SLC26A4: variants seen among roughly 807,000 people sequenced by gnomAD.
SLC26A4 encodes the protein solute carrier family 26 member 4.
In SLC26A4, 93 loss-of-function variants were observed where a neutral mutation model predicts 90.4. The observed-to-expected ratio is 1.03, with a 90% CI of 0.87 to 1.22. The LOEUF (loss-of-function observed/expected upper bound fraction) is 1.22. Ranked by LOEUF, SLC26A4 falls within the 50% of genes most tolerant of loss-of-function variation. The pLI is 0.00. For missense variants in SLC26A4, 1,127 were observed against 946.2 expected (o/e 1.19, Z -2.51); for synonymous variants, 393 against 354.6 (o/e 1.11, Z -1.22).
rs370027544 is a variant in SLC26A4, at chr7:107,672,119, A to C, written c.305-19A>C. ...GTAACTTTGGTTTGTGAATGTAATC[A>C]CTTTGCATGTGCTTTCAGGGATGGC... On this transcript the variant is annotated intron_variant, in intron 3 of 20. Coordinates refer to ENST00000644269, the MANE Select transcript of SLC26A4 (RefSeq NM_000441.2). The C allele has an allele frequency of 1.4e-6, 2 of 1,467,482 alleles. No individual in the cohort carries two copies. The highest frequency in any genetic ancestry group is 2.8e-5 in the African/African-American group (2 of 71,976). The allele number at this position is 1,467,482 out of a possible 1,614,324, so 90.9% of individuals were successfully genotyped here. A position where few individuals can be genotyped will look rare whatever the true frequency, so the allele number is the denominator to read the frequency against.
At chr7:107,693,213 G>C in intron 10 of SLC26A4, 1 of 759,434 alleles carries the variant, frequency 1.3e-6, no homozygotes, top group Non-Finnish European at 1.6e-6. Flanking sequence ...CAGCTTCTCT[G>C]CTTAGTCAGG....
At chr7:107,709,940 G>A in intron 18 of SLC26A4, 114 bp from the exon 19 acceptor site, 1 of 823,728 alleles carries the variant, frequency 1.2e-6, no homozygotes, top group East Asian at 2.6e-5. Context: ...AGGTTGCAGT[G>A]AGCAATGATG....
At chr7:107,692,315 G>A (rs1288568455) in intron 10 of SLC26A4, among the ~76,000 whole-genome samples, 1 of 152,222 alleles carries the variant, frequency 6.6e-6, no homozygotes, top group East Asian at 1.9e-4. Flanking sequence ...TCCAGGGACT[G>A]ATGGACAAAT....
chr7:107,670,177 T>A (rs2129310742), intron 3 of SLC26A4, among the ~76,000 whole-genome samples: 1 of 151,106 alleles, frequency 6.6e-6, no homozygotes. Flanking sequence ...TGGCGCAATC[T>A]CGGCTCACTG....
intron 20 of SLC26A4, among the ~76,000 whole-genome samples, chr7:107,714,909 C>T (rs1792299657): frequency 6.6e-6 from 1 of 151,872 alleles, no homozygotes; most frequent in African/African-American, 2.4e-5. Flanking sequence ...AATCATTGCT[C>T]TTAAATAAAT....
intron 17 of SLC26A4, 124 bp from the exon 18 acceptor site, chr7:107,704,207 T>C (rs1038924545): frequency 3.1e-6 from 2 of 647,670 alleles, no homozygotes; most frequent in Non-Finnish European, 5.7e-6. Context: ...AATAATAACC[T>C]TTCCTTAAAG....
chr7:107,714,148 A>C (rs185010394), intron 20 of SLC26A4, among the ~76,000 whole-genome samples: 1 of 150,960 alleles, frequency 6.6e-6, no homozygotes, highest in East Asian at 1.9e-4. Flanking sequence ...CTGGTCTTGA[A>C]CTCCTGACCT....
At chr7:107,676,406 G>A (rs1396514466) in intron 6 of SLC26A4, among the ~76,000 whole-genome samples, 1 of 152,140 alleles carries the variant, frequency 6.6e-6, no homozygotes, top group African/African-American at 2.4e-5. Context: ...AATGCATAAT[G>A]TAAATGTCTC....
rs1249326080 is a variant in SLC26A4 at position 107,674,286 on chromosome 7, G to C, written c.538G>C (p.Ala180Pro). The C allele has an allele frequency of 1.2e-6, 2 of 1,613,884 alleles. No individual in the cohort carries two copies. The highest frequency in any genetic ancestry group is 1.7e-6 in the Non-Finnish European group (2 of 1,179,884). ...AAATACTACTATGATAGACACTGCA[G>C]CTAGAGATACAGCTAGAGTCCTGAT... is the stretch of plus-strand genomic sequence containing the variant. ...VLNTTMIDTAARDTARVLIAS... is the reference protein window; with the variant it reads ...VLNTTMIDTAPRDTARVLIAS... Residue 180 changes from alanine (A) to proline (P), a missense_variant, in exon 5 of 21, where the codon GCT (alanine) becomes CCT (proline). Ala to Pro is a conservative substitution (Grantham distance 27). Transcript: ENST00000644269.
In SLC26A4 at chr7:107,661,832, G is replaced by A; in HGVS notation, c.164+27G>A. On this transcript the variant is annotated intron_variant, in intron 2 of 20. Transcript: ENST00000644269. This position sits in a 1 kb window ranked among gnomAD's most constrained non-coding sequence, Gnocchi z 5.1. ...TAGCGGCCGCGCGGGCCTGCGTAGA[G>A]AGAAGCGGAGCGGGGCGTCCACGCC... The A allele has an allele frequency of 6.5e-7, 1 of 1,527,588 alleles. No homozygotes were observed. Among genetic ancestry groups the A allele is most frequent in the Non-Finnish European group, 8.8e-7 (1 of 1,141,096 alleles). The allele number at this position is 1,527,588 out of a possible 1,614,324, so 94.6% of individuals were successfully genotyped here. A position where few individuals can be genotyped will look rare whatever the true frequency, so the allele number is the denominator to read the frequency against.
chr7:107,675,862 G>A (rs958198292), intron 6 of SLC26A4, among the ~76,000 whole-genome samples: 11 of 151,430 alleles, frequency 7.3e-5, no homozygotes, highest in Admixed American at 2.6e-4. Context: ...GTGAGCCACC[G>A]CGCCCGGCCT....
chr7:107,702,349 G>A (rs776081534), intron 17 of SLC26A4, among the ~76,000 whole-genome samples: 5 of 152,134 alleles, frequency 3.3e-5, no homozygotes, highest in Non-Finnish European at 5.9e-5. Context: ...TACCTTCACA[G>A]GTTGTTACAA....
intron 8 of SLC26A4, among the ~76,000 whole-genome samples, chr7:107,687,271 A>G (rs1396537023): frequency 6.6e-6 from 1 of 152,230 alleles, no homozygotes; most frequent in East Asian, 1.9e-4. Context: ...TTATATCCAC[A>G]GAAGGAGGGC....
chr7:107,717,310 G>A lies in SLC26A4; in HGVS notation c.*1864G>A, dbSNP rs920339867. On this transcript the variant is annotated 3_prime_UTR_variant, in exon 21 of 21. Transcript: ENST00000644269. ...GAACCCGGGAGGCGGAGCTTGCAGT[G>A]AGCCGAGGTCGTGCCACTGCACTCC... The A allele has an allele frequency of 6.8e-6, 1 of 146,194 alleles. No individual in the cohort carries two copies. The highest frequency in any genetic ancestry group is 1.5e-5 in the Non-Finnish European group (1 of 67,314). The allele number at this position is 146,194 out of a possible 1,614,324, so 9.1% of individuals were successfully genotyped here. A position where few individuals can be genotyped will look rare whatever the true frequency, so the allele number is the denominator to read the frequency against.
At chr7:107,675,574 CTTT>C (rs563755979) in intron 6 of SLC26A4, among the ~76,000 whole-genome samples, 20 of 130,992 alleles carry the variant, frequency 1.5e-4, no homozygotes, top group Admixed American at 2.3e-4. Flanking sequence ...TTCTTTCTTT[CTTT>C]TTTTTTTTTT....
intron 10 of SLC26A4, chr7:107,693,482 A>T (rs1791636852): frequency 5.1e-6 from 5 of 985,378 alleles, no homozygotes; most frequent in Middle Eastern, 5.2e-4. Flanking sequence ...GCTCAACAAA[A>T]TCTTCCCAGT....
rs541538556 is a variant in SLC26A4, at chr7:107,701,928, G to C, written c.1905G>C (p.Glu635Asp). The change falls in exon 17 of 21, where the codon GAG becomes GAC. Residue 635 changes from glutamate (E) to aspartate (D), a missense_variant. Physicochemically the swap from Glu to Asp is conservative, Grantham distance 45. Transcript: ENST00000644269. ...TTGATATCCCAACCAAGGAAATAGA[G>C]ATTCAAGTGGATTGGAACTCTGAGC... ...EELDIPTKEIEIQVDWNSELP... is the reference protein window; with the variant it reads ...EELDIPTKEIDIQVDWNSELP... 1 of 1,612,846 alleles carries C rather than the reference G, an allele frequency of 6.2e-7. No individual in the cohort carries two copies. The highest frequency in any genetic ancestry group is 8.5e-7 in the Non-Finnish European group (1 of 1,178,944).
At chr7:107,671,062 A>C (rs1790852945) in intron 3 of SLC26A4, among the ~76,000 whole-genome samples, 1 of 152,246 alleles carries the variant, frequency 6.6e-6, no homozygotes, top group Admixed American at 6.5e-5. Flanking sequence ...AGGGCAGTGT[A>C]ACAATGACTG....
rs562706485 is a variant in SLC26A4, at chr7:107,717,683, A to G, written c.*2237A>G. The G allele has an allele frequency of 1.5e-4, 23 of 152,786 alleles. No homozygotes were observed. The highest frequency in any genetic ancestry group is 3.2e-4 in the Non-Finnish European group (22 of 68,028). The allele number at this position is 152,786 out of a possible 1,614,324, so 9.5% of individuals were successfully genotyped here. ...TTTTTAACCTATAGGATAAGATTCC[A>G]GTATTGTATATGAGTTTTAACAAAT... On this transcript the variant is annotated 3_prime_UTR_variant, in exon 21 of 21. Transcript: ENST00000644269.
Sources: allele counts gnomAD v4.1 joint callset (sites outside exome capture counted in the v4.1 genomes callset), GRCh38; gene constraint gnomAD v4.1.1; non-coding constraint Gnocchi (gnomAD v3.1); transcripts MANE v1.5; gene names NCBI Gene and HGNC (gene_info 2026-07-23, HGNC 2026-07-21).